The following CPS1 variants were observed in gnomAD, a reference collection of about 807,000 sequenced individuals.
CPS1 encodes carbamoyl-phosphate synthase 1, also known as carbamoyl-phosphate synthase [ammonia], mitochondrial.
A neutral mutation model predicts 174.6 loss-of-function variants in CPS1; 109 were observed. That is an observed-to-expected ratio of 0.62 (90% CI 0.53 to 0.73). The LOEUF is 0.73. Among genes scored for constraint, CPS1 ranks in the 30% least tolerant of loss-of-function variants. The pLI is 0.00. For missense variants in CPS1, 1,689 were observed against 1,821.9 expected (o/e 0.93, Z 1.33); for synonymous variants, 637 against 632.0 (o/e 1.01, Z -0.12).
chr2:210,642,410 T>A, intron 24 of CPS1, 74 bp from the exon 25 acceptor site: 1 of 1,541,870 alleles, frequency 6.5e-7, no homozygotes, highest in Non-Finnish European at 9.0e-7. Context: ...TGACTGGTGA[T>A]ACATTTCTGC....
intron 1 of CPS1, among the ~76,000 whole-genome samples, chr2:210,509,751 C>G (rs1386071430): frequency 6.6e-6 from 1 of 152,050 alleles, no homozygotes; most frequent in Non-Finnish European, 1.5e-5. Context: ...AACAGAGAGC[C>G]AAATCATGAG....
At chr2:210,510,974 G>A (rs574755441) in intron 1 of CPS1, among the ~76,000 whole-genome samples, 3 of 151,210 alleles carry the variant, frequency 2.0e-5, no homozygotes, top group South Asian at 4.2e-4. Context: ...TCAGTGTGGC[G>A]ATTCCTCAGG....
At chr2:210,505,313 C>T (rs1008221420) in intron 1 of CPS1, among the ~76,000 whole-genome samples, 2 of 151,494 alleles carry the variant, frequency 1.3e-5, no homozygotes. Context: ...TTAGCACCAA[C>T]CTAATATCAT....
upstream of CPS1, chr2:210,556,518 T>C (rs1696917821): frequency 7.0e-7 from 1 of 1,424,664 alleles, no homozygotes; most frequent in Admixed American, 2.1e-5. Context: ...GGAACATCTC[T>C]GGACATTACC....
At chr2:210,530,298 G>A (rs1014775844) in intron 1 of CPS1, among the ~76,000 whole-genome samples, 1 of 152,016 alleles carries the variant, frequency 6.6e-6, no homozygotes. Flanking sequence ...TGTGGAAAAT[G>A]CCAACAATTT....
intron 32 of CPS1, among the ~76,000 whole-genome samples, chr2:210,661,821 A>G (rs1189318355): frequency 6.6e-6 from 1 of 151,748 alleles, no homozygotes; most frequent in African/African-American, 2.4e-5. Context: ...TTCTTTATTC[A>G]TAGTTATAGG....
Position 210,654,112 on chromosome 2 carries a change from T to A in CPS1, c.3558+10T>A. On this transcript the variant is annotated intron_variant, in intron 29 of 37. Transcript: ENST00000233072. ...TGGCAAAGATGGAAGGGTAAGTGCT[T>A]TATTCTCATCTCCTTCATTCCTGCC... 6.2e-7 allele frequency: 1 copy of A among 1,611,590 alleles called. No individual in the cohort carries two copies. The highest frequency in any genetic ancestry group is 8.5e-7 in the Non-Finnish European group (1 of 1,177,670).
At chr2:210,563,687 T>G (rs1437034535) in intron 1 of CPS1, among the ~76,000 whole-genome samples, 1 of 152,174 alleles carries the variant, frequency 6.6e-6, no homozygotes, top group East Asian at 1.9e-4. Flanking sequence ...TAGATGATTT[T>G]TAATAACATA....
intron 1 of CPS1, among the ~76,000 whole-genome samples, chr2:210,479,667 G>A (rs1201497694): frequency 5.9e-5 from 9 of 152,122 alleles, no homozygotes; most frequent in Non-Finnish European, 1.2e-4. Flanking sequence ...ATGAATTTGG[G>A]GGGCAACAAT....
intron 21 of CPS1, among the ~76,000 whole-genome samples, chr2:210,623,237 A>G (rs1205126858): frequency 6.6e-6 from 1 of 152,156 alleles, no homozygotes; most frequent in Non-Finnish European, 1.5e-5. Flanking sequence ...ACTTAAAAAG[A>G]ATCTATTTTC....
chr2:210,635,504 T>C (rs1233891058), intron 21 of CPS1, among the ~76,000 whole-genome samples: 3 of 152,210 alleles, frequency 2.0e-5, no homozygotes, highest in South Asian at 2.1e-4. Context: ...CCACTGACCA[T>C]GTGTGGCTGT....
At chr2:210,577,632 G>C in intron 4 of CPS1, 122 bp downstream of exon 4, 4 of 800,266 alleles carry the variant, frequency 5.0e-6, no homozygotes, top group Non-Finnish European at 2.2e-6. Flanking sequence ...ATTTCAGAGA[G>C]GGATTCCTTC....
At chr2:210,558,632 T>C (rs189834790) in intron 1 of CPS1, among the ~76,000 whole-genome samples, 5 of 152,090 alleles carry the variant, frequency 3.3e-5, no homozygotes, top group East Asian at 1.9e-4. Flanking sequence ...TAAGGATAGG[T>C]GCATCTTCAT....
chr2:210,570,893 A>T (rs1697457489), intron 1 of CPS1, among the ~76,000 whole-genome samples: 1 of 151,950 alleles, frequency 6.6e-6, no homozygotes, highest in Non-Finnish European at 1.5e-5. Flanking sequence ...ATTAGCAGAG[A>T]TATTTGCATA....
intron 28 of CPS1, among the ~76,000 whole-genome samples, chr2:210,651,963 A>G (rs1700573799): frequency 6.6e-6 from 1 of 152,234 alleles, no homozygotes; most frequent in Non-Finnish European, 1.5e-5. Flanking sequence ...AATAATTACA[A>G]TTAAATATGA....
chr2:210,644,162 T>G (rs1438945949), intron 25 of CPS1, among the ~76,000 whole-genome samples: 1 of 152,120 alleles, frequency 6.6e-6, no homozygotes, highest in Non-Finnish European at 1.5e-5. Context: ...GAGATTTGTT[T>G]ATTAAAACTG....
chr2:210,639,186 A>C lies in CPS1; in HGVS notation c.2866A>C (p.Asn956His). ...TLAAEYPSVT[N>H]YLYVTYNGQE... The stretch of plus-strand genomic sequence containing the variant: ...GGCTGCAGAATACCCATCAGTAACA[A>C]ACTATCTCTATGTTACCTACAATGG... The change falls in exon 23 of 38, where the codon AAC becomes CAC. Residue 956 changes from asparagine (N) to histidine (H), a missense_variant. Asn to His is a moderately conservative substitution (Grantham distance 68). Coordinates refer to ENST00000233072, the MANE Select transcript of CPS1 (RefSeq NM_001875.5). The C allele has an allele frequency of 6.2e-7, 1 of 1,613,434 alleles. No homozygotes were observed. The highest frequency in any genetic ancestry group is 8.5e-7 in the Non-Finnish European group (1 of 1,179,416).
intron 1 of CPS1, among the ~76,000 whole-genome samples, chr2:210,491,380 T>A (rs1001495190): frequency 1.2e-4 from 18 of 145,226 alleles, no homozygotes; most frequent in African/African-American, 4.7e-4. Flanking sequence ...AATGGTGCGA[T>A]CTTGGCTCAC....
At chr2:210,571,943 A>G (rs1191517494) in intron 1 of CPS1, among the ~76,000 whole-genome samples, 1 of 150,996 alleles carries the variant, frequency 6.6e-6, no homozygotes, top group African/African-American at 2.4e-5. Context: ...GGGTGGCAAG[A>G]TTTAAAAGGA....
Sources: gnomAD v4.1 joint callset for allele counts (sites outside exome capture counted in the v4.1 genomes callset) on GRCh38, gnomAD v4.1.1 for gene constraint, MANE v1.5 for transcripts, NCBI Gene and HGNC (gene_info 2026-07-23, HGNC 2026-07-21) for gene names.